MAGED1: variants seen among roughly 807,000 people sequenced by gnomAD.
MAGED1 encodes melanoma-associated antigen D1.
In MAGED1, 3 loss-of-function variants were observed where a neutral mutation model predicts 54.1. The observed-to-expected ratio is 0.06, with a 90% confidence interval of 0.03 to 0.14. The LOEUF (loss-of-function observed/expected upper bound fraction) is 0.14, where lower values mean the gene tolerates loss of function less well. MAGED1 is among the 10% of genes least tolerant of loss of function. The probability of loss-of-function intolerance (pLI) is 1.00; values close to 1 mark genes in which losing one functional copy is unlikely to be tolerated. For missense variants in MAGED1, 485 were observed against 623.4 expected (o/e 0.78, Z 2.36); for synonymous variants, 217 against 227.3 (o/e 0.95, Z 0.41).
At chrX:51,890,415 C>T (rs1223840585), upstream of MAGED1, among the ~76,000 whole-genome samples, 1 of 111,652 alleles carries the variant, frequency 9.0e-6, no homozygotes, top group Non-Finnish European at 1.9e-5. Context: ...CTGAGTTCTC[C>T]GAATCCTTCT....
chrX:51,840,348 C>T (rs1303904483), intron 1 of MAGED1, among the ~76,000 whole-genome samples: 1 of 109,687 alleles, frequency 9.1e-6, no homozygotes, highest in Non-Finnish European at 1.9e-5. Context: ...TTGGGGTCCT[C>T]AAAAAAATTT....
intron 1 of MAGED1, among the ~76,000 whole-genome samples, chrX:51,814,966 T>TAAAAAA (rs782352592): frequency 1.4e-5 from 1 of 72,100 alleles, no homozygotes; most frequent in African/African-American, 5.2e-5. Context: ...ACCTCTCTCT[T>TAAAAAA]AAAAAAAAAA....
chrX:51,835,236 C>A (rs781949948), intron 1 of MAGED1, among the ~76,000 whole-genome samples: 11 of 111,298 alleles, frequency 9.9e-5, no homozygotes, highest in Non-Finnish European at 2.1e-4. Context: ...CTTATCCTAG[C>A]AAACATTGTA....
At chrX:51,873,362 GAC>G (rs1235183726) in intron 1 of MAGED1, among the ~76,000 whole-genome samples, 1 of 111,428 alleles carries the variant, frequency 9.0e-6, no homozygotes, top group Admixed American at 9.6e-5. Flanking sequence ...TTTGGGTGGG[GAC>G]ACAGAGCCAA....
At chrX:51,856,231 T>A (rs1400604082) in intron 1 of MAGED1, among the ~76,000 whole-genome samples, 2 of 112,564 alleles carry the variant, frequency 1.8e-5, no homozygotes, top group Non-Finnish European at 3.7e-5. Flanking sequence ...AGTAGTTTTG[T>A]ACATGGATGT....
At chrX:51,853,325 A>C (rs1417527812) in intron 1 of MAGED1, among the ~76,000 whole-genome samples, 4 of 111,692 alleles carry the variant, frequency 3.6e-5, no homozygotes, top group Non-Finnish European at 5.6e-5. Flanking sequence ...TCTTTTTGTG[A>C]ACATTTCTGT....
At chrX:51,803,287 C>T (rs782512187) in intron 1 of MAGED1, among the ~76,000 whole-genome samples, 12 of 110,892 alleles carry the variant, frequency 1.1e-4, no homozygotes, top group African/African-American at 2.0e-4. Context: ...CTATCTCCTC[C>T]CTTCTCCTCC....
At chrX:51,898,770 A>G in intron 10 of MAGED1, 127 bp downstream of exon 10, 3 of 584,853 alleles carry the variant, frequency 5.1e-6, no homozygotes, top group Non-Finnish European at 7.7e-6. Context: ...TGGGAGGCTC[A>G]GGTGGGCAGA....
In MAGED1 at chrX:51,896,403, A is replaced by T; in HGVS notation, c.754-6A>T. On this transcript the variant is annotated splice_polypyrimidine_tract_variant and splice_region_variant and intron_variant, in intron 3 of 12. Coordinates refer to ENST00000326587, the MANE Select transcript of MAGED1 (RefSeq NM_006986.4). ...GGTGATTCTGAACTTCTCTCTGATG[A>T]TGCAGATTAATAACTTGAATGTTGA... The T allele has an allele frequency of 8.3e-7, 1 of 1,198,098 alleles. No individual in the cohort carries two copies. The highest frequency in any genetic ancestry group is 3.0e-5 in the East Asian group (1 of 33,736).
chrX:51,861,173 G>T lies in MAGED1; in HGVS notation c.-36-33096G>T, dbSNP rs562679861. On this transcript the variant is annotated intron_variant, in intron 1 of 12. Transcript: ENST00000375772. ...TATTCTATTGGCCTCATTAATTTTA[G>T]TACATCTCAACTCTCATCATATCCC... Among the ~76,000 whole-genome samples, 52 of 111,419 alleles carry T rather than the reference G, an allele frequency of 4.7e-4. 3 individuals are homozygous for T. The South Asian group carries it at 0.02, about 42-fold the overall frequency.
At chrX:51,871,108 G>C (rs1263455381) in intron 1 of MAGED1, among the ~76,000 whole-genome samples, 1 of 111,879 alleles carries the variant, frequency 8.9e-6, no homozygotes, top group East Asian at 2.8e-4. Flanking sequence ...TGCAGATGCA[G>C]AACAGTAGGG....
chrX:51,841,818 G>A (rs1332578587), intron 1 of MAGED1, among the ~76,000 whole-genome samples: 83 of 111,700 alleles, frequency 7.4e-4, no homozygotes, highest in African/African-American at 1.6e-3. Context: ...TACCAGTACC[G>A]TGCTGTTTTG....
At chrX:51,887,167 G>A (rs1440044079) in intron 1 of MAGED1, among the ~76,000 whole-genome samples, 1 of 108,975 alleles carries the variant, frequency 9.2e-6, no homozygotes, top group Admixed American at 9.8e-5. Flanking sequence ...AAACTACAAC[G>A]TTAGTGAAGA....
At chrX:51,864,510 T>C (rs1164659426) in intron 1 of MAGED1, among the ~76,000 whole-genome samples, 1 of 111,771 alleles carries the variant, frequency 8.9e-6, no homozygotes, top group Non-Finnish European at 1.9e-5. Context: ...TAGTTATTAA[T>C]AGGGGTTTTA....
chrX:51,897,926 G>C, intron 7 of MAGED1, 40 bp downstream of exon 7: 1 of 1,075,730 alleles, frequency 9.3e-7, no homozygotes, highest in East Asian at 3.0e-5. Context: ...CTTTCTCAGT[G>C]GTGCTTTTTT....
chrX:51,803,744 A>G (rs1338805022), intron 1 of MAGED1, among the ~76,000 whole-genome samples: 1 of 86,148 alleles, frequency 1.2e-5, no homozygotes, highest in Non-Finnish European at 2.2e-5. Context: ...TTTTTTTTTA[A>G]CTCTAAACAA....
At position 51,901,869 on chromosome X, in the gene MAGED1, G is replaced by T; in HGVS notation, c.2276G>T (p.Gly759Val). 8.3e-7 allele frequency: 1 copy of T among 1,210,694 alleles called. No individual in the cohort carries two copies. Among genetic ancestry groups the T allele is most frequent in the East Asian group, 3.0e-5 (1 of 33,845 alleles). Residue 759 changes from glycine (G) to valine (V), a missense_variant, in exon 12 of 13, where the codon GGT (glycine) becomes GTT (valine). This residue lies in a region of MAGED1 where 186 missense variants were observed against 330.3 expected (regional missense o/e 0.56). Coordinates refer to ENST00000326587, the MANE Select transcript of MAGED1 (RefSeq NM_006986.4). The stretch of plus-strand genomic sequence containing the variant: ...GCCGGTCCCATTATTGGTCCTGGTG[G>T]TACAGCCAGTGCCAACTTCGCTGCC... ...TFAGPIIGPG[G>V]TASANFAANF... is the part of the protein sequence containing the mutation.
At chrX:51,865,406 A>G (rs1270642517) in intron 1 of MAGED1, among the ~76,000 whole-genome samples, 1 of 111,904 alleles carries the variant, frequency 8.9e-6, no homozygotes, top group Non-Finnish European at 1.9e-5. Context: ...TGATGAATGG[A>G]TGGATGAACA....
rs186173967 is a variant in MAGED1, at chrX:51,846,627, G to A, written c.-37+43510G>A. Among the ~76,000 whole-genome samples the A allele has an allele frequency of 9.7e-3, 1,084 of 111,767 alleles. 16 individuals carry two copies. Among genetic ancestry groups the A allele is most frequent in the African/African-American group, 0.034 (1,042 of 30,737 alleles). On this transcript the variant is annotated intron_variant, in intron 1 of 12. Coordinates refer to the MAGED1 transcript ENST00000375772. ...GGCTCACAGTTCTGCAGGCTGTACA[G>A]GAAACATAGCAGCTTCTGCTTCTGG...
Sources: allele counts gnomAD v4.1 joint callset (sites outside exome capture counted in the v4.1 genomes callset), GRCh38; gene constraint gnomAD v4.1.1; regional missense constraint gnomAD v4.1.1; transcripts MANE v1.5; gene names NCBI Gene and HGNC (gene_info 2026-07-23, HGNC 2026-07-21).